The following TFCP2L1 variants were observed in gnomAD, a reference collection of about 807,000 sequenced individuals.
The protein encoded by TFCP2L1 is transcription factor CP2 like 1.
TFCP2L1 carries 12 observed loss-of-function variants against 72.2 expected under a neutral mutation model. The observed-to-expected ratio is 0.17, with a 90% confidence interval of 0.11 to 0.27. The LOEUF is 0.27. TFCP2L1 is among the 10% of genes least tolerant of loss of function. TFCP2L1 has a pLI of 1.00. For synonymous variants in TFCP2L1, 260 were observed against 251.0 expected (o/e 1.04, Z -0.34); for missense variants, 488 against 624.6 (o/e 0.78, Z 2.33).
chr2:121,237,155 A>AGG (rs10664042), intron 10 of TFCP2L1, among the ~76,000 whole-genome samples: 87,317 of 151,902 alleles, frequency 0.57, 25,623 homozygotes, highest in East Asian at 0.81. Context: ...CTTCTGTCTG[A>AGG]GGGCCCATCA....
In TFCP2L1 at chr2:121,218,343, T is replaced by C. The variant is rs1419720594; in HGVS notation, c.*5998A>G. ...AACACTTCATTGGGTTCAAAGATAA[T>C]ATTCCCTATCATAAATCAGTGGCAT... On this transcript the variant is annotated 3_prime_UTR_variant, in exon 15 of 15. Transcript: ENST00000263707. 1 of 152,118 alleles carries C rather than the reference T, an allele frequency of 6.6e-6. No individual in the cohort carries two copies. The highest frequency in any genetic ancestry group is 1.5e-5 in the Non-Finnish European group (1 of 68,024). 9.4% of individuals were successfully genotyped at this position (152,118 alleles called of 1,614,324 possible). A position where few individuals can be genotyped will look rare whatever the true frequency, so the allele number is the denominator to read the frequency against.
intron 6 of TFCP2L1, among the ~76,000 whole-genome samples, chr2:121,245,360 T>C (rs1178981780): frequency 6.6e-6 from 1 of 152,206 alleles, no homozygotes; most frequent in Admixed American, 6.5e-5. Context: ...GACTTCTGAC[T>C]GCCAGCACTG....
chr2:121,219,587 G>C lies in TFCP2L1; in HGVS notation c.*4754C>G, dbSNP rs1573348171. On this transcript the variant is annotated 3_prime_UTR_variant, in exon 15 of 15. Transcript: ENST00000263707. ...CACTGGTGGCACTGTGTACAACCAG[G>C]ATGGGCACACGTAAAGGTCTCCTGC... 6.6e-6 allele frequency: 1 copy of C among 152,216 alleles called. No individual in the cohort carries two copies. The highest frequency in any genetic ancestry group is 2.4e-5 in the African/African-American group (1 of 41,454). 9.4% of individuals were successfully genotyped at this position (152,216 alleles called of 1,614,324 possible).
At chr2:121,239,941 G>A in intron 7 of TFCP2L1, 1 of 694,448 alleles carries the variant, frequency 1.4e-6, no homozygotes, top group Non-Finnish European at 1.8e-6. Flanking sequence ...ACAGTCATGT[G>A]ATTCTTGGGT....
At chr2:121,244,419 G>C (rs1023687948) in intron 6 of TFCP2L1, among the ~76,000 whole-genome samples, 1 of 152,220 alleles carries the variant, frequency 6.6e-6, no homozygotes, top group Non-Finnish European at 1.5e-5. Flanking sequence ...TCTTCTGTGA[G>C]TGGGGGCAGG....
Position 121,217,142 on chromosome 2 carries a change from CG to C in TFCP2L1, c.*7198del, listed in dbSNP as rs1300468624. On this transcript the variant is annotated 3_prime_UTR_variant, in exon 15 of 15. Coordinates refer to ENST00000263707, the MANE Select transcript of TFCP2L1 (RefSeq NM_014553.3). ...GGACACCAGGAAGCTCAACCTGGCT[CG>C]GGCCATCAGTAGCTGTGGGACCCTG... The C allele has an allele frequency of 6.6e-6, 1 of 152,238 alleles. No individual in the cohort carries two copies. Among genetic ancestry groups the C allele is most frequent in the Non-Finnish European group, 1.5e-5 (1 of 68,056 alleles). 9.4% of individuals were successfully genotyped at this position (152,238 alleles called of 1,614,324 possible).
intron 13 of TFCP2L1, among the ~76,000 whole-genome samples, chr2:121,228,341 C>T (rs1024605622): frequency 3.3e-5 from 5 of 152,022 alleles, no homozygotes; most frequent in African/African-American, 9.7e-5. Context: ...GACAAGCCTT[C>T]GGTGACACTA....
intron 7 of TFCP2L1, among the ~76,000 whole-genome samples, chr2:121,240,856 T>C (rs1686353357): frequency 6.6e-6 from 1 of 152,190 alleles, no homozygotes; most frequent in Non-Finnish European, 1.5e-5. Context: ...GTGACTGACC[T>C]TCAGTCAGAT....
intron 6 of TFCP2L1, 124 bp downstream of exon 6, chr2:121,246,694 G>C: frequency 1.6e-6 from 2 of 1,274,208 alleles, no homozygotes; most frequent in Non-Finnish European, 2.2e-6. Context: ...TAGAAGCCAT[G>C]TGCTAAAGGG....
At chr2:121,242,670 T>C (rs1177245600) in intron 6 of TFCP2L1, among the ~76,000 whole-genome samples, 2 of 152,170 alleles carry the variant, frequency 1.3e-5, no homozygotes, top group African/African-American at 4.8e-5. Context: ...TCATGCACTC[T>C]GCTGCTCAAG....
chr2:121,255,611 C>T (rs1466651298), intron 2 of TFCP2L1, among the ~76,000 whole-genome samples: 1 of 152,184 alleles, frequency 6.6e-6, no homozygotes, highest in African/African-American at 2.4e-5. Flanking sequence ...TGTCTGACGC[C>T]GAAGGTGGAA....
intron 2 of TFCP2L1, among the ~76,000 whole-genome samples, chr2:121,279,147 A>G (rs1687206495): frequency 6.6e-6 from 1 of 152,198 alleles, no homozygotes. Context: ...CCCACTCTTC[A>G]GCACCACAGG....
intron 2 of TFCP2L1, among the ~76,000 whole-genome samples, chr2:121,272,619 A>G (rs976320273): frequency 2.0e-5 from 3 of 152,176 alleles, no homozygotes; most frequent in African/African-American, 4.8e-5. Context: ...GAGAGGATAA[A>G]AATCAGCAAA....
Position 121,237,711 on chromosome 2 carries a change from C to T in TFCP2L1, c.915G>A (p.Leu305=), listed in dbSNP as rs752217827. The change falls in exon 10 of 15, where the codon CTG becomes CTA. Residue 305 remains leucine, a synonymous_variant. Coordinates refer to ENST00000263707, the MANE Select transcript of TFCP2L1 (RefSeq NM_014553.3). ...VEALPVGSDH[L]LPSASIQDAQ... ...CATCCTGGATCGAAGCTGATGGGAGCAGGTGCTGTGAGCAGAGGGGAGAGG... is the reference window on the plus strand; with the variant it reads ...CATCCTGGATCGAAGCTGATGGGAGTAGGTGCTGTGAGCAGAGGGGAGAGG... 1 of 1,614,188 alleles carries T rather than the reference C, an allele frequency of 6.2e-7. No homozygotes were observed. Among genetic ancestry groups the T allele is most frequent in the South Asian group, 1.1e-5 (1 of 91,088 alleles).
intron 6 of TFCP2L1, among the ~76,000 whole-genome samples, chr2:121,242,871 C>T (rs186232339): frequency 6.6e-6 from 1 of 152,274 alleles, no homozygotes; most frequent in East Asian, 1.9e-4. Context: ...GCCTCCTTAC[C>T]CCCAACTCTC....
At chr2:121,225,441 T>TG in intron 14 of TFCP2L1, 121 bp downstream of exon 14, 2 of 947,634 alleles carry the variant, frequency 2.1e-6, no homozygotes, top group South Asian at 2.8e-5. Context: ...GGAGAGTTTG[T>TG]GCTTTCTTTT....
chr2:121,253,996 G>C (rs1335232639), intron 2 of TFCP2L1, among the ~76,000 whole-genome samples: 5 of 152,142 alleles, frequency 3.3e-5, no homozygotes, highest in Non-Finnish European at 7.3e-5. Flanking sequence ...TCACATACAG[G>C]CTGACGAGCG....
chr2:121,271,528 T>C (rs1687047313), intron 2 of TFCP2L1, among the ~76,000 whole-genome samples: 1 of 152,196 alleles, frequency 6.6e-6, no homozygotes. Context: ...TTCCCAAACT[T>C]CAGGCTAAAA....
intron 2 of TFCP2L1, among the ~76,000 whole-genome samples, chr2:121,262,026 A>G (rs1387209543): frequency 6.6e-6 from 1 of 152,140 alleles, no homozygotes; most frequent in Non-Finnish European, 1.5e-5. Flanking sequence ...CTACAAAATC[A>G]AGCTTTTGGC....
Sources: allele counts gnomAD v4.1 joint callset (sites outside exome capture counted in the v4.1 genomes callset), GRCh38; gene constraint gnomAD v4.1.1; transcripts MANE v1.5; gene names NCBI Gene and HGNC (gene_info 2026-07-23, HGNC 2026-07-21).